Variants in INO80 observed in about 807,000 individuals in gnomAD.
INO80 encodes the protein INO80 complex ATPase subunit.
INO80 carries 20 observed loss-of-function variants against 203.4 expected under a neutral mutation model. That is an observed-to-expected ratio of 0.10 (90% confidence interval 0.07 to 0.14). The LOEUF is 0.14. INO80 is among the 10% of genes least tolerant of loss of function. The pLI, the probability that INO80 is intolerant of heterozygous loss-of-function variation, is 1.00. For missense variants in INO80, 1,419 were observed against 1,914.4 expected (o/e 0.74, Z 4.83); for synonymous variants, 726 against 685.2 (o/e 1.06, Z -0.93).
At chr15:41,107,637 T>G (rs2045899761) in intron 1 of INO80, among the ~76,000 whole-genome samples, 1 of 151,024 alleles carries the variant, frequency 6.6e-6, no homozygotes, top group African/African-American at 2.4e-5. Context: ...CTGTCTCTAC[T>G]AAAAATATAA....
intron 4 of INO80, among the ~76,000 whole-genome samples, chr15:41,093,114 C>G (rs997649379): frequency 6.6e-6 from 1 of 151,968 alleles, no homozygotes; most frequent in Non-Finnish European, 1.5e-5. Context: ...TGCCAAAGGA[C>G]AGAGGAAATA....
chr15:41,070,920 G>A (rs1279753079), intron 12 of INO80, among the ~76,000 whole-genome samples: 1 of 152,212 alleles, frequency 6.6e-6, no homozygotes, highest in Non-Finnish European at 1.5e-5. Context: ...GCCCGTCCCG[G>A]CACTTTGGGA....
intron 9 of INO80, 80 bp from the exon 10 acceptor site, chr15:41,074,645 T>A (rs1038347637): frequency 2.7e-5 from 24 of 894,400 alleles, no homozygotes; most frequent in Non-Finnish European, 3.7e-5. Flanking sequence ...CACTTATATT[T>A]GCATACAATT....
intron 6 of INO80, among the ~76,000 whole-genome samples, chr15:41,086,680 CAG>C (rs1391524450): frequency 2.6e-5 from 4 of 151,530 alleles, no homozygotes; most frequent in Admixed American, 2.6e-4. Context: ...TTAATACTTT[CAG>C]GGGAATAAAA....
At chr15:41,005,713 G>GTAAATCTGATGCAAAT (rs1421426074) in intron 27 of INO80, 26 bp from the exon 28 acceptor site, 8 of 1,271,972 alleles carry the variant, frequency 6.3e-6, no homozygotes, top group Middle Eastern at 1.8e-4. Flanking sequence ...AAAGGACACA[G>GTAAATCTGATGCAAAT]TAAATCTGAT....
At chr15:41,049,099 G>T (rs892170926) in intron 21 of INO80, among the ~76,000 whole-genome samples, 188 bp downstream of exon 21, 2 of 152,184 alleles carry the variant, frequency 1.3e-5, no homozygotes, top group Non-Finnish European at 2.9e-5. Flanking sequence ...GGCCTTTAAG[G>T]CCACCTAGCT....
In INO80 at chr15:41,005,443, G is replaced by T. The variant is rs971518135; in HGVS notation, c.3497+150C>A. ...ACATAGATCTGAATTATGATAAGCAGATTTAGTAACTTCTTAAAATGGCAG... is the reference window on the plus strand; with the variant it reads ...ACATAGATCTGAATTATGATAAGCATATTTAGTAACTTCTTAAAATGGCAG... On this transcript the variant is annotated intron_variant, in intron 28 of 35. Coordinates refer to ENST00000648947, the MANE Select transcript of INO80 (RefSeq NM_017553.3). 8.2e-5 allele frequency: 47 copies of T among 571,966 alleles called. No individual in the cohort carries two copies. The Admixed American group carries it at 1.1e-3, about 14-fold the overall frequency. The allele number at this position is 571,966 out of a possible 1,614,324, so 35.4% of individuals were successfully genotyped here.
In INO80 at chr15:41,021,137, G is replaced by A; in HGVS notation, c.3049-12C>T. ...GGCACTGCGGTAACCTGCAGTTAAA[G>A]ATTCACATGAGATGGCTCTTTCACG... On this transcript the variant is annotated splice_polypyrimidine_tract_variant and intron_variant, in intron 25 of 35. Transcript: ENST00000648947. 1.3e-6 allele frequency: 2 copies of A among 1,585,676 alleles called. No homozygotes were observed. Among genetic ancestry groups the A allele is most frequent in the Non-Finnish European group, 1.7e-6 (2 of 1,154,208 alleles).
chr15:40,990,832 A>G (rs1214563876), intron 29 of INO80, among the ~76,000 whole-genome samples: 1 of 152,226 alleles, frequency 6.6e-6, no homozygotes, highest in Non-Finnish European at 1.5e-5. Flanking sequence ...AGAGGATAAC[A>G]TTACTTGCCC....
In INO80 at chr15:41,112,786, CAAAAAAAAAAAA is replaced by C. The variant is rs893121991; in HGVS notation, c.-44+3175_-44+3186del. 4.7e-3 allele frequency among the ~76,000 whole-genome samples: 90 copies of C among 19,210 alleles called. 1 individual carries two copies. Among genetic ancestry groups the C allele is most frequent in the Non-Finnish European group, 7.0e-3 (78 of 11,106 alleles). 12.6% of individuals were successfully genotyped at this position (19,210 alleles called of 152,430 possible). A position where few individuals can be genotyped will look rare whatever the true frequency, so the allele number is the denominator to read the frequency against. On this transcript the variant is annotated intron_variant, in intron 1 of 35. Transcript: ENST00000648947. ...CTGGCGACAGGGCAAGACTCCATCT[CAAAAAAAAAAAA>C]AAAAAAAAAAAAAAACTTTTCAACT...
chr15:40,999,019 C>CACACACACACAA (rs751613069), intron 28 of INO80, among the ~76,000 whole-genome samples: 1 of 150,522 alleles, frequency 6.6e-6, no homozygotes, highest in African/African-American at 2.5e-5. Context: ...CACACACACA[C>CACACACACACAA]AAATAAGGGC....
chr15:41,080,040 A>G (rs1437282798), intron 8 of INO80, 136 bp from the exon 9 acceptor site: 1 of 722,340 alleles, frequency 1.4e-6, no homozygotes, highest in African/African-American at 1.7e-5. Flanking sequence ...CTGCAACTTG[A>G]TTAATGTCCT....
At chr15:41,096,010 G>A in intron 2 of INO80, 82 bp from the exon 3 acceptor site, 1 of 1,439,598 alleles carries the variant, frequency 6.9e-7, no homozygotes, top group East Asian at 2.3e-5. Context: ...CTTTACAGAA[G>A]AAACTGTTCC....
rs569510701 is a variant in INO80, at chr15:41,090,374, G to A, written c.537+1653C>T. On this transcript the variant is annotated intron_variant, in intron 5 of 35. Transcript: ENST00000648947. Reference sequence around the variant, plus strand: ...GAGGATCACCTGAGGTCAGGAGTTCGAGACCAACCTGGCCAACATGGTGAA... The same window carrying A: ...GAGGATCACCTGAGGTCAGGAGTTCAAGACCAACCTGGCCAACATGGTGAA... Among the ~76,000 whole-genome samples the A allele has an allele frequency of 7.2e-4, 109 of 152,066 alleles. 5 individuals are homozygous for A. In the South Asian group the frequency reaches 0.021, roughly 29 times the overall value.
At chr15:41,054,264 G>T (rs1350723002) in intron 18 of INO80, among the ~76,000 whole-genome samples, 1 of 152,100 alleles carries the variant, frequency 6.6e-6, no homozygotes, top group African/African-American at 2.4e-5. Context: ...AGGTTTTAGG[G>T]ACATTTTATC....
chr15:41,064,781 G>A (rs2045179830), intron 14 of INO80, among the ~76,000 whole-genome samples: 1 of 152,170 alleles, frequency 6.6e-6, no homozygotes, highest in Non-Finnish European at 1.5e-5. Flanking sequence ...AGGATCGCTT[G>A]AGCTCAGGAA....
intron 1 of INO80, among the ~76,000 whole-genome samples, chr15:41,105,242 A>C (rs1396439351): frequency 1.3e-5 from 2 of 152,206 alleles, no homozygotes; most frequent in African/African-American, 2.4e-5. Context: ...ACACTTCTTT[A>C]AATGTTAAAC....
intron 26 of INO80, 33 bp downstream of exon 26, chr15:41,020,867 G>A (rs750182857): frequency 5.0e-6 from 7 of 1,398,084 alleles, no homozygotes; most frequent in South Asian, 1.2e-5. Context: ...TTGCCAAAGC[G>A]AGGAACACAT....
rs550239818 is a variant in INO80 at position 41,020,993 on chromosome 15, A to C, written c.3181T>G (p.Trp1061Gly). ...AAGAACTGTGATCGTCTATTTAGCCAGTCTGCAGCCAGTTCAGGGGCCCCA... is the reference window on the plus strand; with the variant it reads ...AAGAACTGTGATCGTCTATTTAGCCCGTCTGCAGCCAGTTCAGGGGCCCCA... ...LNGAPELAADWLNRRSQFFPE... is the reference protein window; with the variant it reads ...LNGAPELAADGLNRRSQFFPE... Residue 1061 changes from tryptophan to glycine, a missense_variant, in exon 26 of 36, where the codon TGG becomes GGG. Around this residue, in one of 9 missense-constraint regions of INO80, gnomAD observed 302 missense variants for 345.4 expected, o/e 0.87. Coordinates refer to ENST00000648947, the MANE Select transcript of INO80 (RefSeq NM_017553.3). 6.2e-7 allele frequency: 1 copy of C among 1,614,150 alleles called. No homozygotes were observed. The highest frequency in any genetic ancestry group is 1.1e-5 in the South Asian group (1 of 91,082).
Sources: allele counts gnomAD v4.1 joint callset (sites outside exome capture counted in the v4.1 genomes callset), GRCh38; gene constraint gnomAD v4.1.1; regional missense constraint gnomAD v4.1.1; transcripts MANE v1.5; gene names NCBI Gene and HGNC (gene_info 2026-07-23, HGNC 2026-07-21).